Variants in MED22 observed in about 807,000 individuals in gnomAD.
MED22 encodes the protein mediator of RNA polymerase II transcription subunit 22.
Under a neutral mutation model 22.7 loss-of-function variants are expected in MED22, and 22 were observed. The ratio of observed to expected loss-of-function variants is 0.97; its 90% CI spans 0.69 to 1.38. The LOEUF (loss-of-function observed/expected upper bound fraction) is 1.38, where lower values mean the gene tolerates loss of function less well. MED22 is among the 40% of genes most tolerant of loss of function. The pLI is 0.00. For synonymous variants in MED22, 134 were observed against 119.4 expected (o/e 1.12, Z -0.80); for missense variants, 247 against 263.0 (o/e 0.94, Z 0.42).
In MED22 at chr9:133,344,179, C is replaced by T. The variant is rs2129960137; in HGVS notation, c.359G>A (p.Arg120Gln). The T allele has an allele frequency of 3.0e-5, 48 of 1,613,998 alleles. No individual in the cohort carries two copies. The highest frequency in any genetic ancestry group is 4.5e-5 in the East Asian group (2 of 44,894). ...GTAGAGGTCAATGGAGATCTCGTCT[C>T]GCAGCGTGATGAGCTTCCGGTCGCA... ...EECDRKLITL[R>Q]DEISIDLYEL... Residue 120 changes from arginine to glutamine, a missense_variant, in exon 4 of 5, where the codon CGA becomes CAA. Transcript: ENST00000343730.
In MED22 at chr9:133,346,691, G is replaced by A; in HGVS notation, c.-29C>T. ...CGAGCCTCAAGCAGCGCAGCGGGGA[G>A]ACCTGGGACCTAGAGTGCAGCACAG... On this transcript the variant is annotated 5_prime_UTR_variant, in exon 2 of 5. Coordinates refer to ENST00000343730, the MANE Select transcript of MED22 (RefSeq NM_133640.5). 6.2e-7 allele frequency: 1 copy of A among 1,606,914 alleles called. No homozygotes were observed. Among genetic ancestry groups the A allele is most frequent in the Non-Finnish European group, 8.5e-7 (1 of 1,179,446 alleles).
At chr9:133,343,325 A>C in intron 4 of MED22, 1 of 1,229,898 alleles carries the variant, frequency 8.1e-7, no homozygotes, top group Non-Finnish European at 1.0e-6. Context: ...TGATTTTCTA[A>C]GCTAATGGGG....
At chr9:133,341,996 T>C in intron 4 of MED22, 1 of 1,173,526 alleles carries the variant, frequency 8.5e-7, no homozygotes, top group Non-Finnish European at 1.1e-6. Context: ...TGTCCTAGCC[T>C]ATGCCTCCCA....
chr9:133,341,418 A>G lies in MED22; in HGVS notation c.*87T>C, dbSNP rs1368567739. On this transcript the variant is annotated 3_prime_UTR_variant, in exon 5 of 5. Transcript: ENST00000343730. The stretch of plus-strand genomic sequence containing the variant: ...GGGGTCCTGAAGTCCCCAAATGGGA[A>G]CCTAGGCTGAGAGAAGCAAGGCTGT... 4 of 1,364,702 alleles carry G rather than the reference A, an allele frequency of 2.9e-6. No individual in the cohort carries two copies. The highest frequency in any genetic ancestry group is 2.9e-6 in the Non-Finnish European group (3 of 1,050,918). 84.5% of individuals were successfully genotyped at this position (1,364,702 alleles called of 1,614,324 possible).
Position 133,338,612 on chromosome 9 carries a change from T to G in MED22, c.*2893A>C, listed in dbSNP as rs2129941170. On this transcript the variant is annotated 3_prime_UTR_variant, in exon 5 of 5. Coordinates refer to ENST00000343730, the MANE Select transcript of MED22 (RefSeq NM_133640.5). ...TGAGCCACCGCGCCCGGCCAATTTCTATACTTTTTAGTAGAGACAGGGTTT... is the reference window on the plus strand; with the variant it reads ...TGAGCCACCGCGCCCGGCCAATTTCGATACTTTTTAGTAGAGACAGGGTTT... The G allele has an allele frequency of 5.0e-6, 1 of 199,044 alleles. No individual in the cohort carries two copies. The highest frequency in any genetic ancestry group is 8.3e-5 in the South Asian group (1 of 12,118). The allele number at this position is 199,044 out of a possible 1,614,324, so 12.3% of individuals were successfully genotyped here.
At chr9:133,346,401 C>G in intron 2 of MED22, 139 bp downstream of exon 2, 1 of 1,074,392 alleles carries the variant, frequency 9.3e-7, no homozygotes. Flanking sequence ...ATTTGGTTTG[C>G]TTATCTACTG....
Position 133,348,028 on chromosome 9 carries a change from G to T in MED22, c.-145C>A. The T allele has an allele frequency of 1.5e-6, 1 of 664,948 alleles. No homozygotes were observed. Among genetic ancestry groups the T allele is most frequent in the East Asian group, 2.8e-5 (1 of 35,988 alleles). 41.2% of individuals were successfully genotyped at this position (664,948 alleles called of 1,614,324 possible). ...CTTTCCCGCGTCTCTCCCACGGCCT[G>T]GCCCTCCCGCCGCAGTCTCTCTTCC... On this transcript the variant is annotated 5_prime_UTR_variant, in exon 1 of 5. Coordinates refer to ENST00000343730, the MANE Select transcript of MED22 (RefSeq NM_133640.5).
rs1157858157 is a variant in MED22, at chr9:133,341,331, C to T, written c.*174G>A. On this transcript the variant is annotated 3_prime_UTR_variant, in exon 5 of 5. Coordinates refer to ENST00000343730, the MANE Select transcript of MED22 (RefSeq NM_133640.5). ...AATGGCTAGGGAAACAACTGTTTCC[C>T]TACTGTCCTGGCGGGACCCACCCTG... 3.5e-6 allele frequency: 2 copies of T among 571,788 alleles called. No homozygotes were observed. The highest frequency in any genetic ancestry group is 4.0e-5 in the African/African-American group (2 of 50,558). 35.4% of individuals were successfully genotyped at this position (571,788 alleles called of 1,614,324 possible).
intron 1 of MED22, among the ~76,000 whole-genome samples, chr9:133,346,982 C>G (rs983840366): frequency 6.6e-6 from 1 of 152,176 alleles, no homozygotes; most frequent in African/African-American, 2.4e-5. Context: ...ACAGCGTGTC[C>G]CAGGGAGCCC....
At chr9:133,343,166 C>G in intron 4 of MED22, 6 of 1,062,862 alleles carry the variant, frequency 5.6e-6, no homozygotes, top group South Asian at 4.6e-5. Flanking sequence ...GGAAACCAAG[C>G]CCCAGGTCAT....
rs1380886423 is a variant in MED22, at chr9:133,339,400, A to C, written c.*2105T>G. 1.3e-6 allele frequency: 1 copy of C among 757,176 alleles called. No individual in the cohort carries two copies. The highest frequency in any genetic ancestry group is 2.4e-6 in the Non-Finnish European group (1 of 415,160). 46.9% of individuals were successfully genotyped at this position (757,176 alleles called of 1,614,324 possible). A position where few individuals can be genotyped will look rare whatever the true frequency, so the allele number is the denominator to read the frequency against. On this transcript the variant is annotated 3_prime_UTR_variant, in exon 5 of 5. Coordinates refer to ENST00000343730, the MANE Select transcript of MED22 (RefSeq NM_133640.5). ...CAGCCTGCTCCACCCAGAGCAGCACACTGTGAGAACCAATGGGAAGGAGCC... is the reference window on the plus strand; with the variant it reads ...CAGCCTGCTCCACCCAGAGCAGCACCCTGTGAGAACCAATGGGAAGGAGCC...
intron 4 of MED22, chr9:133,343,088 T>C: frequency 1.0e-6 from 1 of 1,000,448 alleles, no homozygotes; most frequent in South Asian, 4.7e-5. Context: ...GGACCAAAGA[T>C]TCCCTCAGAA....
chr9:133,345,214 AC>A lies in MED22; in HGVS notation c.161del (p.Gly54ValfsTer22). The A allele has an allele frequency of 6.2e-7, 1 of 1,613,468 alleles. No homozygotes were observed. The highest frequency in any genetic ancestry group is 8.5e-7 in the Non-Finnish European group (1 of 1,179,896). On this transcript the variant is annotated frameshift_variant, in exon 3 of 5. Coordinates refer to ENST00000343730, the MANE Select transcript of MED22 (RefSeq NM_133640.5). LOFTEE classifies it high-confidence loss of function. ...DETQVSRATQ[G>X]EQDNYEMHVR... ...CATGCATCTCGTAATTGTCCTGTTCACCCTGAGTGGCCCGTGACACCTGCGT... is the reference window on the plus strand; with the variant it reads ...CATGCATCTCGTAATTGTCCTGTTCACCTGAGTGGCCCGTGACACCTGCGT...
chr9:133,346,016 C>A (rs2129966848), intron 2 of MED22, among the ~76,000 whole-genome samples: 1 of 152,366 alleles, frequency 6.6e-6, no homozygotes, highest in East Asian at 1.9e-4. Flanking sequence ...GATAACCTCA[C>A]AACGTGGCTT....
intron 4 of MED22, chr9:133,343,185 T>A (rs961537633): frequency 9.2e-7 from 1 of 1,089,802 alleles, no homozygotes. Context: ...ATGCTGGCTC[T>A]GGATATCTGT....
At chr9:133,347,180 C>T (rs1836210853) in intron 1 of MED22, 1 of 154,650 alleles carries the variant, frequency 6.5e-6, no homozygotes, top group African/African-American at 2.4e-5. Context: ...CACTGCGGGC[C>T]CCGCTCCCTC....
At chr9:133,342,520 A>G (rs1291165792) in intron 4 of MED22, 18 of 986,626 alleles carry the variant, frequency 1.8e-5, no homozygotes, top group Non-Finnish European at 2.2e-5. Context: ...GAGAGGGGGC[A>G]GGCGAGCACA....
rs2129943340 is a variant in MED22 at position 133,339,656 on chromosome 9, A to G, written c.*1849T>C. The G allele has an allele frequency of 1.4e-5, 5 of 362,426 alleles. No homozygotes were observed. The East Asian group carries it at 3.2e-4, about 23-fold the overall frequency. The allele number at this position is 362,426 out of a possible 1,614,324, so 22.5% of individuals were successfully genotyped here. On this transcript the variant is annotated 3_prime_UTR_variant, in exon 5 of 5. Coordinates refer to ENST00000343730, the MANE Select transcript of MED22 (RefSeq NM_133640.5). ...GAGAGGCAAACTGACAAGTACTTCC[A>G]TGAGTTCCACTGCCCTCAAAATAAA...
chr9:133,341,627 C>G lies in MED22; in HGVS notation c.481G>C (p.Asp161His). Residue 161 changes from aspartate to histidine, a missense_variant, in exon 5 of 5, where the codon GAC (aspartate) becomes CAC (histidine). Asp to His is a moderately conservative substitution (Grantham distance 81). Transcript: ENST00000343730. ...EAYGRLDLDT[D>H]SADGLSAPLL... ...GGGGCCGAGAGGCCATCAGCAGAGT[C>G]TGTGTCGAGGTCCAGCCTCCCGTAA... 6.2e-7 allele frequency: 1 copy of G among 1,604,458 alleles called. No individual in the cohort carries two copies. Among genetic ancestry groups the G allele is most frequent in the East Asian group, 2.3e-5 (1 of 43,848 alleles).
Sources: allele counts gnomAD v4.1 joint callset (sites outside exome capture counted in the v4.1 genomes callset), GRCh38; gene constraint gnomAD v4.1.1; transcripts MANE v1.5; gene names NCBI Gene and HGNC (gene_info 2026-07-23, HGNC 2026-07-21).